Variants in SPAG16 observed in about 807,000 individuals in gnomAD.
The protein encoded by SPAG16 is sperm-associated antigen 16 protein.
SPAG16 carries 86 observed loss-of-function variants against 80.4 expected under a neutral mutation model. The ratio of observed to expected loss-of-function variants is 1.07; its 90% confidence interval spans 0.90 to 1.28. The LOEUF is 1.28. SPAG16 is among the 50% of genes most tolerant of loss of function. The pLI, the probability that SPAG16 is intolerant of heterozygous loss-of-function variation, is 0.00. For missense variants in SPAG16, 870 were observed against 765.3 expected (o/e 1.14, Z -1.61); for synonymous variants, 294 against 265.9 (o/e 1.11, Z -1.03).
At chr2:213,405,846 T>G (rs2125362608) in intron 9 of SPAG16, among the ~76,000 whole-genome samples, 1 of 152,300 alleles carries the variant, frequency 6.6e-6, no homozygotes, top group Non-Finnish European at 1.5e-5. Flanking sequence ...ATTAAAGTAT[T>G]TTATAGTCAA....
At chr2:214,063,375 G>T (rs966362830) in intron 13 of SPAG16, among the ~76,000 whole-genome samples, 3 of 152,114 alleles carry the variant, frequency 2.0e-5, no homozygotes, top group Non-Finnish European at 4.4e-5. Flanking sequence ...CTGGAGGCTG[G>T]AAAGTCCAAG....
At chr2:213,702,868 A>G (rs975995248) in intron 10 of SPAG16, among the ~76,000 whole-genome samples, 1 of 152,178 alleles carries the variant, frequency 6.6e-6, no homozygotes, top group African/African-American at 2.4e-5. Flanking sequence ...AGGGAAGCCT[A>G]ACAATAGTAC....
intron 13 of SPAG16, among the ~76,000 whole-genome samples, chr2:214,019,576 C>A (rs2047755770): frequency 6.6e-6 from 1 of 152,140 alleles, no homozygotes; most frequent in African/African-American, 2.4e-5. Flanking sequence ...AGTGGATAAA[C>A]AAGGAACTCA....
At chr2:214,152,448 G>T (rs1380210662) in intron 15 of SPAG16, among the ~76,000 whole-genome samples, 1 of 152,120 alleles carries the variant, frequency 6.6e-6, no homozygotes. Flanking sequence ...TAATGGAAGA[G>T]ACAATTGCCT....
chr2:214,049,797 A>G lies in SPAG16; in HGVS notation c.1527+35720A>G, dbSNP rs114861066. Among the ~76,000 whole-genome samples the G allele has an allele frequency of 9.1e-3, 1,389 of 152,328 alleles. 24 individuals carry two copies. Among genetic ancestry groups the G allele is most frequent in the African/African-American group, 0.032 (1,313 of 41,574 alleles). The stretch of plus-strand genomic sequence containing the variant: ...GGATGGCAGCACTAGGCCAACCTGA[A>G]ATTAATTTTTGAAGGGAAGTTATAT... On this transcript the variant is annotated intron_variant, in intron 13 of 15. Transcript: ENST00000331683.
intron 9 of SPAG16, among the ~76,000 whole-genome samples, chr2:213,454,060 T>C (rs16850351): frequency 0.041 from 6,221 of 152,252 alleles, 223 homozygotes; most frequent in African/African-American, 0.088. Context: ...AGTATGAAAG[T>C]AGTGTACATG....
intron 15 of SPAG16, among the ~76,000 whole-genome samples, chr2:214,266,701 C>T (rs72944097): frequency 0.021 from 3,217 of 150,748 alleles, 42 homozygotes; most frequent in Non-Finnish European, 0.035. Context: ...TTAAATAATC[C>T]AACAAAAAAT....
chr2:213,403,060 C>A (rs926452505), intron 9 of SPAG16, among the ~76,000 whole-genome samples: 3 of 151,794 alleles, frequency 2.0e-5, no homozygotes, highest in Non-Finnish European at 4.4e-5. Flanking sequence ...TCAAAGTGTT[C>A]CTATTTCTCC....
chr2:213,313,738 A>G (rs770076935), intron 4 of SPAG16, among the ~76,000 whole-genome samples: 2 of 151,874 alleles, frequency 1.3e-5, no homozygotes, highest in Admixed American at 6.6e-5. Context: ...GGTTTGAGGA[A>G]TCTTGGGGCC....
At chr2:213,366,506 G>T (rs1254521637) in intron 8 of SPAG16, among the ~76,000 whole-genome samples, 1 of 152,144 alleles carries the variant, frequency 6.6e-6, no homozygotes, top group South Asian at 2.1e-4. Context: ...AGGAGCAAAG[G>T]CACCTCTTAG....
rs767900314 is a variant in SPAG16 at position 214,138,948 on chromosome 2, A to G, written c.1594-10192A>G. Among the ~76,000 whole-genome samples the G allele has an allele frequency of 5.1e-4, 78 of 152,152 alleles. 2 individuals carry two copies. Among genetic ancestry groups the G allele is most frequent in the Non-Finnish European group, 1.0e-4 (7 of 68,012 alleles). On this transcript the variant is annotated intron_variant, in intron 14 of 15. Coordinates refer to ENST00000331683, the MANE Select transcript of SPAG16 (RefSeq NM_024532.5). Reference sequence around the variant, plus strand: ...TCAAAAAAAGTGAGATAGCAAACCTATGACTGCTAGAGTGATCTTGGGCTG... The same window carrying G: ...TCAAAAAAAGTGAGATAGCAAACCTGTGACTGCTAGAGTGATCTTGGGCTG...
chr2:213,955,822 A>G (rs1016389270), intron 12 of SPAG16, among the ~76,000 whole-genome samples: 1 of 152,022 alleles, frequency 6.6e-6, no homozygotes, highest in Non-Finnish European at 1.5e-5. Flanking sequence ...TTATTTCTGT[A>G]CAATCAACAG....
intron 10 of SPAG16, among the ~76,000 whole-genome samples, chr2:213,613,530 A>G (rs1241097066): frequency 1.3e-5 from 2 of 152,042 alleles, no homozygotes. Context: ...TCAAATATCT[A>G]TAGGCATTTT....
intron 13 of SPAG16, among the ~76,000 whole-genome samples, chr2:214,075,582 A>AATG (rs1248319896): frequency 1.3e-5 from 2 of 152,200 alleles, no homozygotes; most frequent in African/African-American, 4.8e-5. Context: ...CTCCAACAAA[A>AATG]ATGTTTTCTT....
At chr2:214,310,642 G>A (rs552410809) in intron 15 of SPAG16, among the ~76,000 whole-genome samples, 9 of 152,308 alleles carry the variant, frequency 5.9e-5, no homozygotes, top group African/African-American at 2.2e-4. Flanking sequence ...GGGTGGTAAA[G>A]AGAGGGCTGC....
At chr2:213,476,033 C>T (rs555116823) in intron 9 of SPAG16, among the ~76,000 whole-genome samples, 2 of 152,184 alleles carry the variant, frequency 1.3e-5, no homozygotes, top group Non-Finnish European at 2.9e-5. Flanking sequence ...AAAGAAAACT[C>T]TCTTAATTTT....
intron 9 of SPAG16, among the ~76,000 whole-genome samples, chr2:213,396,317 G>A (rs1000060133): frequency 2.0e-5 from 3 of 152,042 alleles, no homozygotes; most frequent in African/African-American, 2.4e-5. Flanking sequence ...CTTTCAATGC[G>A]TGAATGAACA....
intron 10 of SPAG16, among the ~76,000 whole-genome samples, chr2:213,705,091 A>G (rs965107000): frequency 4.6e-5 from 7 of 152,118 alleles, no homozygotes; most frequent in African/African-American, 1.7e-4. Context: ...TCCCTACTAA[A>G]AAAAAACAAA....
chr2:213,982,221 C>T lies in SPAG16; in HGVS notation c.1401-31730C>T, dbSNP rs114342208. On this transcript the variant is annotated intron_variant, in intron 12 of 15. Coordinates refer to ENST00000331683, the MANE Select transcript of SPAG16 (RefSeq NM_024532.5). ...GTAAATTATTTTACAACAGTAATTT[C>T]AACAATGGAGGCTCCCATGTGCCCA... 7.7e-3 allele frequency among the ~76,000 whole-genome samples: 1,177 copies of T among 152,106 alleles called. 13 individuals carry two copies. Among genetic ancestry groups the T allele is most frequent in the African/African-American group, 0.026 (1,094 of 41,512 alleles).
Sources: allele counts gnomAD v4.1 joint callset (sites outside exome capture counted in the v4.1 genomes callset), GRCh38; gene constraint gnomAD v4.1.1; transcripts MANE v1.5; gene names NCBI Gene and HGNC (gene_info 2026-07-23, HGNC 2026-07-21).